The following GREB1L variants were observed in gnomAD, a reference collection of about 807,000 sequenced individuals.
GREB1L encodes GREB1-like protein.
A neutral mutation model predicts 200.8 loss-of-function variants in GREB1L; 17 were observed. The observed-to-expected ratio is 0.08, with a 90% CI of 0.06 to 0.13. The LOEUF (loss-of-function observed/expected upper bound fraction) is 0.13, where lower values mean the gene tolerates loss of function less well. Ranked by LOEUF, GREB1L falls within the 10% of genes least tolerant of loss-of-function variation. The pLI is 1.00. For missense variants in GREB1L, 1,657 were observed against 2,367.7 expected (o/e 0.70, Z 6.23); for synonymous variants, 789 against 893.0 (o/e 0.88, Z 2.08).
At chr18:21,252,471 C>T (rs780431657) in intron 1 of GREB1L, among the ~76,000 whole-genome samples, 2 of 150,772 alleles carry the variant, frequency 1.3e-5, no homozygotes, top group African/African-American at 2.5e-5. Flanking sequence ...GCAACAAAAT[C>T]GCTTGAACCA....
intron 15 of GREB1L, among the ~76,000 whole-genome samples, chr18:21,467,743 A>G (rs1184774902): frequency 1.3e-5 from 2 of 152,224 alleles, no homozygotes; most frequent in South Asian, 2.1e-4. Context: ...ATATGAAATG[A>G]GCCGGGCGCA....
rs140527346 is a variant in GREB1L at position 21,351,418 on chromosome 18, C to T, written c.-119-14609C>T. On this transcript the variant is annotated intron_variant, in intron 1 of 32. Coordinates refer to ENST00000424526, the MANE Select transcript of GREB1L (RefSeq NM_001142966.3). ...TGAAACCCCGTCTCTACTAGAAATA[C>T]AAAAATTAGCAGGGCATGGTGGCGC... 2.8e-3 allele frequency among the ~76,000 whole-genome samples: 423 copies of T among 152,132 alleles called. 3 individuals are homozygous for T. The highest frequency in any genetic ancestry group is 5.4e-3 in the Admixed American group (82 of 15,286).
At position 21,281,219 on chromosome 18, in the gene GREB1L, G is replaced by A. The variant is rs546839638; in HGVS notation, c.-120+38826G>A. ...GTCTCCATACCTGGAACCTAACCTG[G>A]TGCTGCCTTTGGGGAGGTGGTGTGG... On this transcript the variant is annotated intron_variant, in intron 1 of 32. Transcript: ENST00000424526. Among the ~76,000 whole-genome samples the A allele has an allele frequency of 3.9e-5, 6 of 152,308 alleles. No individual in the cohort carries two copies. In the East Asian group the frequency reaches 9.7e-4, roughly 25 times the overall value.
At chr18:21,255,284 C>T (rs1478102013) in intron 1 of GREB1L, among the ~76,000 whole-genome samples, 1 of 152,092 alleles carries the variant, frequency 6.6e-6, no homozygotes. Flanking sequence ...GAAAGTTCTC[C>T]CTGTTTATTA....
chr18:21,428,660 C>T (rs1187708911), intron 7 of GREB1L, among the ~76,000 whole-genome samples: 7 of 138,272 alleles, frequency 5.1e-5, no homozygotes, highest in Non-Finnish European at 7.6e-5. Context: ...GACGGAGTGT[C>T]GCTGTTGTCG....
At chr18:21,295,843 G>A (rs1567925970) in intron 1 of GREB1L, among the ~76,000 whole-genome samples, 1 of 152,128 alleles carries the variant, frequency 6.6e-6, no homozygotes, top group Non-Finnish European at 1.5e-5. Flanking sequence ...TTTGACTGAA[G>A]TAGAAAATTC....
rs1468449341 is a variant in GREB1L, at chr18:21,430,559, C to G, written c.833-8962C>G. 7.2e-5 allele frequency among the ~76,000 whole-genome samples: 7 copies of G among 96,698 alleles called. No homozygotes were observed. The East Asian group carries it at 1.5e-3, about 21-fold the overall frequency. The allele number at this position is 96,698 out of a possible 152,430, so 63.4% of individuals were successfully genotyped here. On this transcript the variant is annotated intron_variant, in intron 7 of 32. Transcript: ENST00000424526. ...TTAAGGTGATTGATTTGGGATCACT[C>G]TTAAGGTGATTGATTTGGGATCTTT...
intron 5 of GREB1L, among the ~76,000 whole-genome samples, chr18:21,399,082 G>A (rs1318921808): frequency 6.6e-6 from 1 of 152,150 alleles, no homozygotes; most frequent in African/African-American, 2.4e-5. Context: ...TCACACTCTT[G>A]CTTTTCACCT....
At chr18:21,393,014 C>T (rs1244948470) in intron 4 of GREB1L, among the ~76,000 whole-genome samples, 1 of 152,210 alleles carries the variant, frequency 6.6e-6, no homozygotes, top group Non-Finnish European at 1.5e-5. Context: ...CCCAAGCGAT[C>T]TGCCTCTTTG....
chr18:21,407,141 T>TG (rs893634085), intron 7 of GREB1L, among the ~76,000 whole-genome samples: 2 of 152,178 alleles, frequency 1.3e-5, no homozygotes, highest in Non-Finnish European at 2.9e-5. Flanking sequence ...CCCAAAGTGC[T>TG]GGGATTACAG....
At chr18:21,323,066 C>G (rs2038974033) in intron 1 of GREB1L, among the ~76,000 whole-genome samples, 1 of 152,112 alleles carries the variant, frequency 6.6e-6, no homozygotes, top group African/African-American at 2.4e-5. Context: ...AGGCAGATTG[C>G]TTGAGCTCAG....
chr18:21,461,884 T>C (rs1471937358), intron 15 of GREB1L, among the ~76,000 whole-genome samples: 6 of 152,220 alleles, frequency 3.9e-5, no homozygotes, highest in African/African-American at 1.4e-4. Context: ...CGTGGCCCTC[T>C]GGTAAAAACA....
chr18:21,264,247 G>A (rs548513368), intron 1 of GREB1L, among the ~76,000 whole-genome samples: 6 of 150,748 alleles, frequency 4.0e-5, no homozygotes, highest in African/African-American at 1.5e-4. Flanking sequence ...GTTATTTAGT[G>A]TAATTAATTT....
intron 1 of GREB1L, among the ~76,000 whole-genome samples, chr18:21,255,286 T>C (rs1205853218): frequency 6.6e-6 from 1 of 152,230 alleles, no homozygotes; most frequent in Non-Finnish European, 1.5e-5. Context: ...AAGTTCTCCC[T>C]GTTTATTAGA....
chr18:21,272,201 A>G (rs1213017103), intron 1 of GREB1L, among the ~76,000 whole-genome samples: 1 of 152,194 alleles, frequency 6.6e-6, no homozygotes. Flanking sequence ...GCCGTCACTC[A>G]GGGATCCAGG....
Position 21,516,713 on chromosome 18 carries a change from G to T in GREB1L, c.5230G>T (p.Val1744Phe). Residue 1744 changes from valine to phenylalanine, a missense_variant, in exon 30 of 33, where the codon GTT (valine) becomes TTT (phenylalanine). By Grantham distance (50) the Val-to-Phe change is conservative. Coordinates refer to ENST00000424526, the MANE Select transcript of GREB1L (RefSeq NM_001142966.3). ...NFSLMKKHVQ[V>F]GGQRDFIIKP... Reference sequence around the variant, plus strand: ...CAGTCTCATGAAGAAACATGTTCAGGTTGGAGGGCAAAGGGACTTTATCAT... The same window carrying T: ...CAGTCTCATGAAGAAACATGTTCAGTTTGGAGGGCAAAGGGACTTTATCAT... 6.4e-7 allele frequency: 1 copy of T among 1,551,578 alleles called. No individual in the cohort carries two copies. Among genetic ancestry groups the T allele is most frequent in the Non-Finnish European group, 8.7e-7 (1 of 1,146,896 alleles).
chr18:21,497,816 C>A, intron 21 of GREB1L, among the ~76,000 whole-genome samples: 1 of 125,448 alleles, frequency 8.0e-6, no homozygotes, highest in East Asian at 2.5e-4. Context: ...TCACCACCCC[C>A]CCCCCTTTTT....
chr18:21,246,928 A>G (rs568217926), intron 1 of GREB1L, among the ~76,000 whole-genome samples: 8 of 152,346 alleles, frequency 5.3e-5, no homozygotes, highest in Admixed American at 5.2e-4. Flanking sequence ...TCTTTTGGCT[A>G]CAAATGGATA....
chr18:21,433,083 A>G (rs1159955710), intron 7 of GREB1L, among the ~76,000 whole-genome samples: 1 of 152,222 alleles, frequency 6.6e-6, no homozygotes, highest in Non-Finnish European at 1.5e-5. Flanking sequence ...TTCAGTACTT[A>G]TGAACACATA....
Sources: gnomAD v4.1 joint callset for allele counts (sites outside exome capture counted in the v4.1 genomes callset) on GRCh38, gnomAD v4.1.1 for gene constraint, MANE v1.5 for transcripts, NCBI Gene and HGNC (gene_info 2026-07-23, HGNC 2026-07-21) for gene names.